Variants in FAHD2B observed in about 807,000 individuals in gnomAD.
The protein encoded by FAHD2B is fumarylacetoacetate hydrolase domain containing 2B.
In FAHD2B, 26 loss-of-function variants were observed where a neutral mutation model predicts 33.7. The ratio of observed to expected loss-of-function variants is 0.77; its 90% CI spans 0.57 to 1.07. The LOEUF is 1.07. FAHD2B is among the 50% of genes least tolerant of loss of function. FAHD2B has a pLI of 0.00. For synonymous variants in FAHD2B, 108 were observed against 150.9 expected, an observed-to-expected ratio of 0.72 and a Z score of 2.08; for missense variants, 272 against 388.1, an observed-to-expected ratio of 0.70 and a Z score of 2.51.
intron 1 of FAHD2B, among the ~76,000 whole-genome samples, chr2:97,092,814 T>C (rs2032426980): frequency 6.6e-6 from 1 of 151,080 alleles, no homozygotes; most frequent in Non-Finnish European, 1.5e-5. Context: ...CCCCTAAAAA[T>C]GCAAAAAAAT....
chr2:97,083,802 G>A lies in FAHD2B; in HGVS notation c.898C>T (p.Gln300Ter). Residue 300 changes from glutamine to a stop codon, truncating the protein, a stop_gained, in exon 9 of 9, where the codon CAG becomes TAG. Transcript: ENST00000414820. LOFTEE classifies it high-confidence loss of function. Reference protein sequence around the residue: ...PVFLKKGDEVQCEIEELGVII... With the variant: ...PVFLKKGDEV Reference sequence around the variant, plus strand: ...ACACCTAGTTCTTCAATCTCACACTGGACTTCATCCCCCTTCTGCAACAGA... The same window carrying A: ...ACACCTAGTTCTTCAATCTCACACTAGACTTCATCCCCCTTCTGCAACAGA... 8 of 1,614,116 alleles carry A rather than the reference G, an allele frequency of 5.0e-6. No homozygotes were observed. Among genetic ancestry groups the A allele is most frequent in the South Asian group, 1.1e-5 (1 of 91,036 alleles).
chr2:97,083,375 T>C (rs1045987914), downstream of FAHD2B: 5 of 1,477,128 alleles, frequency 3.4e-6, no homozygotes, highest in African/African-American at 5.7e-5. Flanking sequence ...ATATAATCAT[T>C]GAGGCTTGAT....
rs2032559224 is a variant in FAHD2B at position 97,094,774 on chromosome 2, C to G, written c.-206G>C. The G allele has an allele frequency of 8.1e-6, 1 of 123,804 alleles. No individual in the cohort carries two copies. Among genetic ancestry groups the G allele is most frequent in the Non-Finnish European group, 1.7e-5 (1 of 59,612 alleles). 7.7% of individuals were successfully genotyped at this position (123,804 alleles called of 1,614,324 possible). ...TCGCGGGGCGGGAGGTCAAGGGCAG[C>G]GGGCGCCTGAGCACTGGCACCAGTC... On this transcript the variant is annotated 5_prime_UTR_variant, in exon 1 of 9. Coordinates refer to ENST00000414820, the MANE Select transcript of FAHD2B (RefSeq NM_001320848.2).
chr2:97,086,147 G>A lies in FAHD2B; in HGVS notation c.514C>T (p.His172Tyr). 6.2e-7 allele frequency: 1 copy of A among 1,613,058 alleles called. No homozygotes were observed. Among genetic ancestry groups the A allele is most frequent in the Non-Finnish European group, 8.5e-7 (1 of 1,179,680 alleles). Reference sequence around the variant, plus strand: ...CACCCTTTCCACCTCACCTTGATGTGCTTGCCTTTCTTTCCAATGACCACG... The same window carrying A: ...CACCCTTTCCACCTCACCTTGATGTACTTGCCTTTCTTTCCAATGACCACG... The part of the protein sequence containing the change: ...LAVVIGKKGK[H>Y]IKATDAMAHV... Residue 172 changes from histidine (H) to tyrosine (Y), a missense_variant, in exon 5 of 9, where the codon CAC (histidine) becomes TAC (tyrosine). Coordinates refer to ENST00000414820, the MANE Select transcript of FAHD2B (RefSeq NM_001320848.2).
At chr2:97,083,076 G>C, downstream of FAHD2B, 4 of 1,449,146 alleles carry the variant, frequency 2.8e-6, no homozygotes, top group Non-Finnish European at 3.7e-6. Context: ...GGACAGGCCT[G>C]GCCCCTGAGC....
intron 1 of FAHD2B, among the ~76,000 whole-genome samples, chr2:97,093,422 C>T (rs968464337): frequency 4.6e-5 from 7 of 151,864 alleles, no homozygotes; most frequent in East Asian, 1.9e-4. Flanking sequence ...TAACTGCTGC[C>T]GCTGAATGCC....
intron 4 of FAHD2B, among the ~76,000 whole-genome samples, chr2:97,087,164 G>A (rs945544356): frequency 4.6e-5 from 7 of 151,824 alleles, no homozygotes; most frequent in Non-Finnish European, 8.8e-5. Context: ...CCATTCTCTC[G>A]CCTCAGCCTC....
At chr2:97,086,411 C>T (rs1348688175) in intron 4 of FAHD2B, 3 of 593,156 alleles carry the variant, frequency 5.1e-6, no homozygotes, top group African/African-American at 3.7e-5. Context: ...GGAATACAGG[C>T]ACAGGTCCCC....
chr2:97,089,153 T>C (rs2032176305), intron 4 of FAHD2B, among the ~76,000 whole-genome samples: 1 of 151,908 alleles, frequency 6.6e-6, no homozygotes, highest in Non-Finnish European at 1.5e-5. Flanking sequence ...TAAAGGACAA[T>C]TGGGAGATTT....
chr2:97,083,077 G>A (rs1195126513), downstream of FAHD2B: 3 of 1,449,178 alleles, frequency 2.1e-6, no homozygotes, highest in Admixed American at 8.3e-5. Flanking sequence ...GACAGGCCTG[G>A]CCCCTGAGCC....
downstream of FAHD2B, chr2:97,081,934 T>C (rs1451885005): frequency 1.4e-6 from 1 of 699,186 alleles, no homozygotes. Context: ...TGCATGTACC[T>C]GGTCTGGGGG....
downstream of FAHD2B, chr2:97,081,056 G>A (rs2031625474): frequency 3.4e-6 from 5 of 1,482,720 alleles, no homozygotes; most frequent in Non-Finnish European, 4.5e-6. Flanking sequence ...GTGTGCAGTG[G>A]TGAAGGGAAC....
At chr2:97,081,554 C>T, downstream of FAHD2B, 1 of 1,530,852 alleles carries the variant, frequency 6.5e-7, no homozygotes, top group East Asian at 2.4e-5. Flanking sequence ...TTGCCTGGAG[C>T]CTGGCCTCCT....
downstream of FAHD2B, chr2:97,083,124 C>T (rs1376012221): frequency 2.1e-5 from 33 of 1,550,696 alleles, no homozygotes; most frequent in Non-Finnish European, 2.8e-5. Flanking sequence ...GCACTCATGG[C>T]GCATCTTCCA....
At chr2:97,088,356 T>C (rs1412871230) in intron 4 of FAHD2B, among the ~76,000 whole-genome samples, 2 of 152,064 alleles carry the variant, frequency 1.3e-5, no homozygotes, top group South Asian at 2.1e-4. Flanking sequence ...CGGTGGGAGA[T>C]GACTGAATCA....
chr2:97,083,693 C>T lies in FAHD2B; in HGVS notation c.*62G>A. The T allele has an allele frequency of 6.2e-7, 1 of 1,613,614 alleles. No individual in the cohort carries two copies. The highest frequency in any genetic ancestry group is 8.5e-7 in the Non-Finnish European group (1 of 1,179,924). On this transcript the variant is annotated 3_prime_UTR_variant, in exon 9 of 9. Coordinates refer to ENST00000414820, the MANE Select transcript of FAHD2B (RefSeq NM_001320848.2). ...TGCCCACACCTGCCACTGGGCCTTT[C>T]CCTGGGCTAGGCTGAGTGGGAGCAG...
rs2031915903 is a variant in FAHD2B at position 97,085,499 on chromosome 2, G to A, written c.685+200C>T. ...ATGCAGTTTCACATCCTCTGCAGTT[G>A]TGTTCCCTCTAGGGGGCTTGGGAAG... On this transcript the variant is annotated intron_variant, in intron 6 of 8. Coordinates refer to ENST00000414820, the MANE Select transcript of FAHD2B (RefSeq NM_001320848.2). 1.3e-5 allele frequency among the ~76,000 whole-genome samples: 2 copies of A among 152,040 alleles called. 1 individual carries two copies. Among genetic ancestry groups the A allele is most frequent in the Non-Finnish European group, 2.9e-5 (2 of 68,020 alleles).
chr2:97,085,631 T>C lies in FAHD2B; in HGVS notation c.685+68A>G. On this transcript the variant is annotated intron_variant, in intron 6 of 8. Transcript: ENST00000414820. ...CAGGTGCCACATGTACCTGAACCCATGCTCCTCCCTGGAGGGCTGTTCATC... is the reference window on the plus strand; with the variant it reads ...CAGGTGCCACATGTACCTGAACCCACGCTCCTCCCTGGAGGGCTGTTCATC... 7 of 1,592,364 alleles carry C rather than the reference T, an allele frequency of 4.4e-6. No homozygotes were observed. The East Asian group carries it at 6.7e-5, about 15-fold the overall frequency.
chr2:97,084,199 T>A lies in FAHD2B; in HGVS notation c.764A>T (p.Lys255Met), dbSNP rs778502141. 9.3e-6 allele frequency: 15 copies of A among 1,613,810 alleles called. No homozygotes were observed. Among genetic ancestry groups the A allele is most frequent in the South Asian group, 5.5e-5 (5 of 90,992 alleles). ...QSSNTNQMVF[K>M]TEDLIAWVSQ... ...GACCCAGGCTATCAGGTCCTCTGTCTTGAATACCATCTGGTTGGTGTTGCT... is the reference window on the plus strand; with the variant it reads ...GACCCAGGCTATCAGGTCCTCTGTCATGAATACCATCTGGTTGGTGTTGCT... Residue 255 changes from lysine (K) to methionine (M), a missense_variant, in exon 7 of 9, where the codon AAG becomes ATG. Transcript: ENST00000414820.
Sources: allele counts gnomAD v4.1 joint callset (sites outside exome capture counted in the v4.1 genomes callset), GRCh38; gene constraint gnomAD v4.1.1; transcripts MANE v1.5; gene names NCBI Gene and HGNC (gene_info 2026-07-23, HGNC 2026-07-21).